The following POLR2L variants were observed in gnomAD, a reference collection of about 807,000 sequenced individuals.
POLR2L encodes the protein DNA-directed RNA polymerases I, II, and III subunit RPABC5.
In POLR2L, 7 loss-of-function variants were observed where a neutral mutation model predicts 6.8. The ratio of observed to expected loss-of-function variants is 1.03; its 90% CI spans 0.59 to 1.94. POLR2L has a LOEUF of 1.94. POLR2L is among the 30% of genes most tolerant of loss of function. The pLI, the probability that POLR2L is intolerant of heterozygous loss-of-function variation, is 0.00. For synonymous variants in POLR2L, 59 were observed against 39.8 expected (o/e 1.48, Z -1.82); for missense variants, 93 against 86.7 (o/e 1.07, Z -0.29).
intron 1 of POLR2L, among the ~76,000 whole-genome samples, chr11:841,838 G>A (rs1846977023): frequency 6.6e-6 from 1 of 152,128 alleles, no homozygotes; most frequent in Non-Finnish European, 1.5e-5. Flanking sequence ...GGCGGGGGTT[G>A]CAGTGAGCCG....
In POLR2L at chr11:840,224, T is replaced by C. The variant is rs35835984; in HGVS notation, c.*148A>G. ...CTTAGTGGTTCTGAAAGACCTTTAC[T>C]GGATGGTTCCTTCCAGAGTGGGGTA... On this transcript the variant is annotated 3_prime_UTR_variant, in exon 2 of 2. Coordinates refer to ENST00000322028, the MANE Select transcript of POLR2L (RefSeq NM_021128.5). 2.2e-3 allele frequency: 1,402 copies of C among 632,560 alleles called. 5 individuals carry two copies. Among genetic ancestry groups the C allele is most frequent in the Non-Finnish European group, 3.1e-3 (1,114 of 355,178 alleles). 39.2% of individuals were successfully genotyped at this position (632,560 alleles called of 1,614,324 possible).
intron 1 of POLR2L, among the ~76,000 whole-genome samples, chr11:841,671 G>A (rs531698006): frequency 3.9e-5 from 6 of 152,188 alleles, no homozygotes; most frequent in Non-Finnish European, 8.8e-5. Flanking sequence ...GGTCGAGGCG[G>A]GTGGATCACC....
chr11:840,584 C>CA (rs950666486), intron 1 of POLR2L, 104 bp from the exon 2 acceptor site: 30 of 727,820 alleles, frequency 4.1e-5, no homozygotes, highest in South Asian at 3.2e-4. Flanking sequence ...CCTCACCCCC[C>CA]CCGCCACCGG....
chr11:840,516 CTCTACGG>C, intron 1 of POLR2L, 36 bp from the exon 2 acceptor site: 1 of 1,439,254 alleles, frequency 6.9e-7, no homozygotes, highest in East Asian at 2.3e-5. Flanking sequence ...CAACTGAGTT[CTCTACGG>C]TCTGCAAAGG....
intron 1 of POLR2L, 91 bp downstream of exon 1, chr11:842,323 G>A (rs1210059978): frequency 7.8e-6 from 7 of 896,360 alleles, no homozygotes; most frequent in Non-Finnish European, 1.1e-5. Context: ...TGCGCCTCCC[G>A]CCCCGGCGCG....
chr11:842,242 A>G (rs1846991519), intron 1 of POLR2L, among the ~76,000 whole-genome samples, 172 bp downstream of exon 1: 1 of 152,244 alleles, frequency 6.6e-6, no homozygotes, highest in Admixed American at 6.5e-5. Context: ...TTCTCCCGAA[A>G]GCAGATCACA....
intron 1 of POLR2L, 83 bp downstream of exon 1, chr11:842,331 G>T: frequency 1.1e-6 from 1 of 939,956 alleles, no homozygotes; most frequent in Non-Finnish European, 1.5e-6. Flanking sequence ...CCGCCCCGGC[G>T]CGCACCCCAG....
At chr11:842,365 G>A (rs928324460) in intron 1 of POLR2L, 49 bp downstream of exon 1, 3 of 1,438,970 alleles carry the variant, frequency 2.1e-6, no homozygotes, top group African/African-American at 1.5e-5. Flanking sequence ...CCCAGCCCCG[G>A]CCCGCGCCCC....
intron 1 of POLR2L, among the ~76,000 whole-genome samples, chr11:841,894 G>A (rs1039764524): frequency 3.9e-5 from 6 of 152,146 alleles, no homozygotes; most frequent in Non-Finnish European, 7.4e-5. Context: ...GCGAGACTCC[G>A]TCTCAAAAAA....
rs111499136 is a variant in POLR2L, at chr11:840,474, C to T, written c.102G>A (p.Ala34=). The change falls in exon 2 of 2, where the codon GCG becomes GCA. Residue 34 remains alanine, a synonymous_variant. Coordinates refer to ENST00000322028, the MANE Select transcript of POLR2L (RefSeq NM_021128.5). Reference sequence around the variant, plus strand: ...AGCGCTTCAGGCCCAGGGCATCCAGCGCATCCCTGTGTCGAGGGGAGGAGC... The same window carrying T: ...AGCGCTTCAGGCCCAGGGCATCCAGTGCATCCCTGTGTCGAGGGGAGGAGC... ...LLQAEYTEGD[A]LDALGLKRYC... is the part of the protein sequence containing the mutation. 1.8e-3 allele frequency: 2,879 copies of T among 1,608,438 alleles called. 52 individuals carry two copies. In the African/African-American group the frequency reaches 0.032, roughly 18 times the overall value.
At chr11:840,754 T>C (rs1001560368) in intron 1 of POLR2L, among the ~76,000 whole-genome samples, 4 of 152,092 alleles carry the variant, frequency 2.6e-5, no homozygotes, top group African/African-American at 7.2e-5. Flanking sequence ...GTAAGAAATG[T>C]AAATGAAATG....
intron 1 of POLR2L, among the ~76,000 whole-genome samples, chr11:840,874 C>T (rs773638634): frequency 6.6e-6 from 1 of 152,208 alleles, no homozygotes; most frequent in African/African-American, 2.4e-5. Flanking sequence ...GGGGCCTGCC[C>T]TTAGCTGGTT....
rs1565121224 is a variant in POLR2L at position 840,487 on chromosome 11, CG to C, written c.96-8del. 1 of 1,593,148 alleles carries C rather than the reference CG, an allele frequency of 6.3e-7. No individual in the cohort carries two copies. The highest frequency in any genetic ancestry group is 8.6e-7 in the Non-Finnish European group (1 of 1,164,842). Reference sequence around the variant, plus strand: ...CAGGGCATCCAGCGCATCCCTGTGTCGAGGGGAGGAGCAGAGGCCAACTGAG... The same window carrying C: ...CAGGGCATCCAGCGCATCCCTGTGTCAGGGGAGGAGCAGAGGCCAACTGAG... On this transcript the variant is annotated splice_polypyrimidine_tract_variant and splice_region_variant and intron_variant, in intron 1 of 1. Coordinates refer to ENST00000322028, the MANE Select transcript of POLR2L (RefSeq NM_021128.5).
rs1846937144 is a variant in POLR2L at position 840,558 on chromosome 11, T to C, written c.96-78A>G. On this transcript the variant is annotated intron_variant, in intron 1 of 1. Transcript: ENST00000322028. ...GCCTGGAGCCCACATCCAACCTGCC[T>C]CTCACTGCCTGCTGGCCTCACCCCC... The C allele has an allele frequency of 5.0e-6, 5 of 990,540 alleles. No homozygotes were observed. The South Asian group carries it at 6.5e-5, about 13-fold the overall frequency. 61.4% of individuals were successfully genotyped at this position (990,540 alleles called of 1,614,324 possible). A position where few individuals can be genotyped will look rare whatever the true frequency, so the allele number is the denominator to read the frequency against.
rs750875146 is a variant in POLR2L at position 842,437 on chromosome 11, C to G, written c.72G>C (p.Leu24=). 1.3e-6 allele frequency: 2 copies of G among 1,594,358 alleles called. No individual in the cohort carries two copies. Among genetic ancestry groups the G allele is most frequent in the African/African-American group, 2.8e-5 (2 of 72,504 alleles). Residue 24 remains leucine, a synonymous_variant, in exon 1 of 2, where the codon CTG becomes CTC. Coordinates refer to ENST00000322028, the MANE Select transcript of POLR2L (RefSeq NM_021128.5). ...ACCCCTCGGTGTACTCGGCCTGCAG[C>G]AGCCCCAGGTAAGCCTCCCACTTGT... ...VGNKWEAYLG[L]LQAEYTEGDA...
intron 1 of POLR2L, 71 bp downstream of exon 1, chr11:842,343 G>A (rs1011264255): frequency 2.6e-6 from 3 of 1,148,096 alleles, no homozygotes; most frequent in Non-Finnish European, 3.5e-6. Flanking sequence ...GCACCCCAGG[G>A]CGGACTCAGC....
At position 840,323 on chromosome 11, in the gene POLR2L, ACGCTCAGGGC is replaced by A; in HGVS notation, c.*39_*48del. On this transcript the variant is annotated 3_prime_UTR_variant, in exon 2 of 2. Transcript: ENST00000322028. Reference sequence around the variant, plus strand: ...CTCAGCCTCGTGAATTCGGGGCAGGACGCTCAGGGCCCATGGTCAGCACAGCGGGTGGGTG... The same window carrying A: ...CTCAGCCTCGTGAATTCGGGGCAGGACCATGGTCAGCACAGCGGGTGGGTG... 1 of 1,240,412 alleles carries A rather than the reference ACGCTCAGGGC, an allele frequency of 8.1e-7. No homozygotes were observed. Among genetic ancestry groups the A allele is most frequent in the South Asian group, 1.3e-5 (1 of 76,478 alleles). The allele number at this position is 1,240,412 out of a possible 1,614,324, so 76.8% of individuals were successfully genotyped here.
Position 840,274 on chromosome 11 carries a change from G to T in POLR2L, c.*98C>A. 1.3e-6 allele frequency: 1 copy of T among 743,544 alleles called. No individual in the cohort carries two copies. The highest frequency in any genetic ancestry group is 2.2e-5 in the Admixed American group (1 of 46,482). 46.1% of individuals were successfully genotyped at this position (743,544 alleles called of 1,614,324 possible). ...ATCGGATACACACACACTGCGGCCA[G>T]GCATTACGCCAGCTCCCGGATGCCT... On this transcript the variant is annotated 3_prime_UTR_variant, in exon 2 of 2. Transcript: ENST00000322028.
chr11:842,452 C>T lies in POLR2L; in HGVS notation c.57G>A (p.Glu19=). Residue 19 remains glutamate, a synonymous_variant, in exon 1 of 2, where the codon GAG becomes GAA. Coordinates refer to ENST00000322028, the MANE Select transcript of POLR2L (RefSeq NM_021128.5). ...TCGKIVGNKW[E]AYLGLLQAEY... ...CGGCCTGCAGCAGCCCCAGGTAAGC[C>T]TCCCACTTGTTGCCGACGATCTTGC... 2 of 1,597,082 alleles carry T rather than the reference C, an allele frequency of 1.3e-6. No individual in the cohort carries two copies. The highest frequency in any genetic ancestry group is 8.5e-7 in the Non-Finnish European group (1 of 1,173,522).
Sources: gnomAD v4.1 joint callset for allele counts (sites outside exome capture counted in the v4.1 genomes callset) on GRCh38, gnomAD v4.1.1 for gene constraint, MANE v1.5 for transcripts, NCBI Gene and HGNC (gene_info 2026-07-23, HGNC 2026-07-21) for gene names.